The following PMPCB variants were observed in gnomAD, a reference collection of about 807,000 sequenced individuals.
PMPCB encodes the protein mitochondrial-processing peptidase subunit beta.
In PMPCB, 46 loss-of-function variants were observed where a neutral mutation model predicts 61.5. The ratio of observed to expected loss-of-function variants is 0.75; its 90% confidence interval spans 0.59 to 0.96. The LOEUF (loss-of-function observed/expected upper bound fraction) is 0.96. Among genes scored for constraint, PMPCB ranks in the 40% least tolerant of loss-of-function variants. The probability of loss-of-function intolerance (pLI) is 0.00; values close to 1 mark genes in which losing one functional copy is unlikely to be tolerated. For missense variants in PMPCB, 590 were observed against 602.4 expected (o/e 0.98, Z 0.22); for synonymous variants, 191 against 201.6 (o/e 0.95, Z 0.44).
chr7:103,345,736 G>A, the PMPCB span, among the ~76,000 whole-genome samples: 3 of 151,732 alleles, frequency 2.0e-5, no homozygotes, highest in African/African-American at 4.8e-5. Flanking sequence ...GATTAGAGGC[G>A]TGAGTCACTG....
chr7:103,307,904 AG>A (rs767186831), intron 7 of PMPCB, among the ~76,000 whole-genome samples, 196 bp downstream of exon 7: 7 of 152,040 alleles, frequency 4.6e-5, no homozygotes, highest in Non-Finnish European at 8.8e-5. Context: ...TAAGGAAGCA[AG>A]GTTTTTTTTG....
the PMPCB span, among the ~76,000 whole-genome samples, chr7:103,340,294 C>T: frequency 6.6e-6 from 1 of 152,222 alleles, no homozygotes; most frequent in Admixed American, 6.5e-5. Context: ...CCTCTTCCTA[C>T]CCCTTAAATA....
intron 7 of PMPCB, 110 bp from the exon 8 acceptor site, chr7:103,308,842 G>A (rs137868714): frequency 2.7e-6 from 2 of 735,286 alleles, no homozygotes; most frequent in Non-Finnish European, 2.1e-6. Flanking sequence ...TAGAGTCCTG[G>A]TGTGCATTTT....
Position 103,312,273 on chromosome 7 carries a change from A to G in PMPCB, c.*2A>G. ...AACATGTGTTGGCTTCGTGATTAAAATGCTCCTAATCAAGATTGTTTGAAC... is the reference window on the plus strand; with the variant it reads ...AACATGTGTTGGCTTCGTGATTAAAGTGCTCCTAATCAAGATTGTTTGAAC... On this transcript the variant is annotated 3_prime_UTR_variant, in exon 13 of 13. Coordinates refer to ENST00000249269, the MANE Select transcript of PMPCB (RefSeq NM_004279.3). 2 of 1,609,928 alleles carry G rather than the reference A, an allele frequency of 1.2e-6. No individual in the cohort carries two copies. The highest frequency in any genetic ancestry group is 8.5e-7 in the Non-Finnish European group (1 of 1,179,884).
At chr7:103,304,832 G>A (rs1313503169) in intron 6 of PMPCB, among the ~76,000 whole-genome samples, 5 of 151,924 alleles carry the variant, frequency 3.3e-5, no homozygotes, top group Admixed American at 1.3e-4. Context: ...GGTGACATGC[G>A]CCTGTAGTCC....
Position 103,299,537 on chromosome 7 carries a change from G to A in PMPCB, c.327+8G>A, listed in dbSNP as rs1817389683. The A allele has an allele frequency of 3.2e-6, 5 of 1,581,120 alleles. No individual in the cohort carries two copies. The highest frequency in any genetic ancestry group is 4.3e-6 in the Non-Finnish European group (5 of 1,153,754). On this transcript the variant is annotated splice_region_variant and intron_variant, in intron 3 of 12. Coordinates refer to ENST00000249269, the MANE Select transcript of PMPCB (RefSeq NM_004279.3). ...GAGCATATGGCTTTCAAGGCAAGTT[G>A]TAAGACTTTACAAAAATGCACTCTC...
downstream of PMPCB, chr7:103,315,934 A>C (rs76592168): frequency 1.0e-3 from 1,562 of 1,546,474 alleles, 20 homozygotes; most frequent in East Asian, 0.02. Context: ...TAAATTGCAT[A>C]AGTTATTTTA....
Position 103,322,560 on chromosome 7 carries a change from T to C in PMPCB, c.*1432-6371T>C, listed in dbSNP as rs369313610. 15 of 1,588,536 alleles carry C rather than the reference T, an allele frequency of 9.4e-6. No individual in the cohort carries two copies. In the African/African-American group the frequency reaches 1.1e-4, roughly 11 times the overall value. On this transcript the variant is annotated intron_variant and NMD_transcript_variant, in intron 12 of 12. Transcript: ENST00000444457. ...CCGTTTAGCTTCTGCTTTTGCTTTCTTTTCTGCTTCTTTCTTGGCTTTTTC... is the reference window on the plus strand; with the variant it reads ...CCGTTTAGCTTCTGCTTTTGCTTTCCTTTCTGCTTCTTTCTTGGCTTTTTC...
At chr7:103,319,587 G>A (rs201350713), downstream of PMPCB, 2 of 1,609,832 alleles carry the variant, frequency 1.2e-6, no homozygotes, top group African/African-American at 2.7e-5. Context: ...ATATAGGTAG[G>A]AGTGATGTGT....
At chr7:103,316,004 CTT>C (rs776961938), downstream of PMPCB, 2 of 1,597,398 alleles carry the variant, frequency 1.3e-6, no homozygotes, top group Non-Finnish European at 8.5e-7. Flanking sequence ...TTTGGAGACT[CTT>C]TGCTTTGCCA....
At chr7:103,337,569 T>G in the PMPCB span, 2 of 568,918 alleles carry the variant, frequency 3.5e-6, no homozygotes, top group South Asian at 4.5e-5. Flanking sequence ...TTTCTTCTGA[T>G]TCTGAAGGCA....
chr7:103,315,714 A>G, downstream of PMPCB: 1 of 1,251,694 alleles, frequency 8.0e-7, no homozygotes, highest in Non-Finnish European at 1.2e-6. Context: ...ACGTCCAAGC[A>G]GCACAGATAC....
At chr7:103,319,220 T>G (rs1200930205), downstream of PMPCB, among the ~76,000 whole-genome samples, 2 of 152,088 alleles carry the variant, frequency 1.3e-5, no homozygotes, top group Non-Finnish European at 2.9e-5. Flanking sequence ...GGGCAGATCA[T>G]GAGGTCAAGA....
chr7:103,333,561 G>A (rs923308788), downstream of PMPCB, among the ~76,000 whole-genome samples: 1 of 152,210 alleles, frequency 6.6e-6, no homozygotes, highest in Non-Finnish European at 1.5e-5. Context: ...TAAGTTCAGT[G>A]AGTTCTGACA....
downstream of PMPCB, among the ~76,000 whole-genome samples, chr7:103,330,119 T>A (rs1818905083): frequency 1.3e-5 from 2 of 152,220 alleles, no homozygotes; most frequent in African/African-American, 4.8e-5. Context: ...GGTGTTAAAC[T>A]GTATTCTATG....
At chr7:103,326,475 A>G (rs1406510554) in intron 12 of PMPCB, 1 of 1,485,624 alleles carries the variant, frequency 6.7e-7, no homozygotes, top group African/African-American at 1.4e-5. Context: ...GGGAAAGAGC[A>G]GAAACCTGGA....
chr7:103,306,002 A>T (rs1402183573), intron 6 of PMPCB, among the ~76,000 whole-genome samples: 2 of 152,210 alleles, frequency 1.3e-5, no homozygotes, highest in African/African-American at 4.8e-5. Flanking sequence ...AGATATCTTT[A>T]GTTTAATGGC....
At chr7:103,319,804 T>G in intron 12 of PMPCB, 5 of 1,614,204 alleles carry the variant, frequency 3.1e-6, no homozygotes, top group Non-Finnish European at 4.2e-6. Context: ...TTCCATCATT[T>G]TAACCCGCTC....
intron 8 of PMPCB, among the ~76,000 whole-genome samples, 160 bp from the exon 9 acceptor site, chr7:103,310,155 A>G (rs571825728): frequency 1.3e-5 from 2 of 152,336 alleles, no homozygotes; most frequent in South Asian, 2.1e-4. Context: ...AATAAACACA[A>G]TTCTTAGTCA....
Sources: allele counts gnomAD v4.1 joint callset (sites outside exome capture counted in the v4.1 genomes callset), GRCh38; gene constraint gnomAD v4.1.1; transcripts MANE v1.5; gene names NCBI Gene and HGNC (gene_info 2026-07-23, HGNC 2026-07-21).